MAGEA11: variants seen among roughly 807,000 people sequenced by gnomAD.
MAGEA11 encodes the protein MAGE family member A11.
A neutral mutation model predicts 8.4 loss-of-function variants in MAGEA11; 1 was observed. That is an observed-to-expected ratio of 0.12 (90% CI 0.04 to 0.57). MAGEA11 has a LOEUF of 0.57. Ranked by LOEUF, MAGEA11 falls within the 20% of genes least tolerant of loss-of-function variation. The pLI is 0.91. For synonymous variants in MAGEA11, 127 were observed against 119.3 expected (o/e 1.06, Z -0.42); for missense variants, 209 against 317.3 (o/e 0.66, Z 2.59).
intron 1 of MAGEA11, among the ~76,000 whole-genome samples, chrX:149,700,811 C>T (rs1486652765): frequency 5.8e-5 from 6 of 102,589 alleles, no homozygotes; most frequent in Admixed American, 1.1e-4. Context: ...TGAGAATATG[C>T]GGTGTTTGGT....
rs1162282913 is a variant in MAGEA11 at position 149,715,830 on chromosome X, AAAG to A, written c.348_350del (p.Arg116del). ...ACCAGAGTCATCATGCCTCTTGAGC[AAAG>A]AAGTCAGCACTGCAAGCCTGAGGAA... On this transcript the variant is annotated inframe_deletion, in exon 5 of 5. Coordinates refer to ENST00000355220, the MANE Select transcript of MAGEA11 (RefSeq NM_005366.5). 10 of 1,208,525 alleles carry A rather than the reference AAAG, an allele frequency of 8.3e-6. No individual in the cohort carries two copies. The highest frequency in any genetic ancestry group is 1.0e-5 in the Non-Finnish European group (9 of 894,703).
chrX:149,700,522 C>T (rs782030106), intron 1 of MAGEA11, among the ~76,000 whole-genome samples: 3 of 105,735 alleles, frequency 2.8e-5, no homozygotes, highest in African/African-American at 1.1e-4. Context: ...TGAAATTTAC[C>T]AACGTTATTA....
At position 149,716,516 on chromosome X, in the gene MAGEA11, T is replaced by C. The variant is rs2090427848; in HGVS notation, c.1030T>C (p.Tyr344His). 1 of 1,211,531 alleles carries C rather than the reference T, an allele frequency of 8.3e-7. No individual in the cohort carries two copies. The highest frequency in any genetic ancestry group is 1.1e-6 in the Non-Finnish European group (1 of 895,392). Reference sequence around the variant, plus strand: ...GGAAGTCCTGAGCATTATGGGGGTGTATGCTGGAAGGGAGCACTTCCTCTT... The same window carrying C: ...GGAAGTCCTGAGCATTATGGGGGTGCATGCTGGAAGGGAGCACTTCCTCTT... ...MWEVLSIMGV[Y>H]AGREHFLFGE... The change falls in exon 5 of 5, where the codon TAT (tyrosine) becomes CAT (histidine). Residue 344 changes from tyrosine to histidine, a missense_variant. Physicochemically the swap from Tyr to His is moderately conservative, Grantham distance 83 (BLOSUM62 2). Around this residue, in one of 2 missense-constraint regions of MAGEA11, gnomAD observed 78 missense variants for 178.8 expected, o/e 0.44. Coordinates refer to ENST00000355220, the MANE Select transcript of MAGEA11 (RefSeq NM_005366.5).
intron 1 of MAGEA11, among the ~76,000 whole-genome samples, chrX:149,700,264 C>T (rs781921369): frequency 1.8e-5 from 2 of 112,292 alleles, no homozygotes; most frequent in African/African-American, 3.2e-5. Flanking sequence ...TTGCACAGTA[C>T]ATCTGGTCTC....
At chrX:149,712,821 G>A (rs1169422069) in intron 1 of MAGEA11, among the ~76,000 whole-genome samples, 2 of 112,277 alleles carry the variant, frequency 1.8e-5, no homozygotes, top group Admixed American at 9.3e-5. Context: ...GGTTGGGGGG[G>A]GCAGGACCCA....
intron 1 of MAGEA11, chrX:149,689,118 G>T (rs1557359923): frequency 1.9e-6 from 1 of 540,069 alleles, no homozygotes; most frequent in Non-Finnish European, 2.9e-6. Context: ...GCCTCCCATG[G>T]TTTCTGCGTC....
chrX:149,711,616 G>A (rs1217002106), upstream of MAGEA11: 1 of 112,763 alleles, frequency 8.9e-6, no homozygotes, highest in African/African-American at 3.3e-5. Flanking sequence ...CAGTAGCCAA[G>A]AGGAGGACCC....
Position 149,716,022 on chromosome X carries a change from CCTT to C in MAGEA11, c.539_541del (p.Phe180del). 1 of 1,211,832 alleles carries C rather than the reference CCTT, an allele frequency of 8.3e-7. No homozygotes were observed. The highest frequency in any genetic ancestry group is 1.1e-6 in the Non-Finnish European group (1 of 895,543). ...CCTCCCCAGAGTCCTCAGGAAGAGT[CCTT>C]CTCTCCCACTGCCATGGATGCCATC... On this transcript the variant is annotated inframe_deletion, in exon 5 of 5. Coordinates refer to ENST00000355220, the MANE Select transcript of MAGEA11 (RefSeq NM_005366.5).
intron 1 of MAGEA11, among the ~76,000 whole-genome samples, chrX:149,712,672 T>A (rs2090407453): frequency 8.9e-6 from 1 of 112,233 alleles, no homozygotes. Flanking sequence ...CCGCCTCTGC[T>A]GCCAGCCCTG....
At chrX:149,688,989 G>A in intron 1 of MAGEA11, 1 of 1,027,413 alleles carries the variant, frequency 9.7e-7, no homozygotes, top group Non-Finnish European at 1.3e-6. Flanking sequence ...AGCAAGGTAA[G>A]GGAATGTGCA....
At chrX:149,691,790 A>C (rs1157197870) in intron 1 of MAGEA11, among the ~76,000 whole-genome samples, 1 of 112,553 alleles carries the variant, frequency 8.9e-6, no homozygotes, top group Non-Finnish European at 1.9e-5. Context: ...CAACTCAAAA[A>C]ACATCAAGGC....
intron 1 of MAGEA11, among the ~76,000 whole-genome samples, chrX:149,697,427 G>A (rs942346655): frequency 2.7e-5 from 3 of 111,129 alleles, no homozygotes; most frequent in Non-Finnish European, 5.7e-5. Context: ...CAGGCCAGCG[G>A]CAGCCCCATT....
Position 149,703,289 on chromosome X carries a change from A to G in MAGEA11, c.10-11192A>G, listed in dbSNP as rs189777849. ...GTAGGTAACTCTAGGCTTTTTCAAA[A>G]TACAAAAACATTTGTGCAAGGAACA... On this transcript the variant is annotated intron_variant, in intron 1 of 3. Transcript: ENST00000333104. 1.9e-4 allele frequency among the ~76,000 whole-genome samples: 21 copies of G among 112,667 alleles called. 1 individual carries two copies. Among genetic ancestry groups the G allele is most frequent in the South Asian group, 7.4e-4 (2 of 2,705 alleles).
intron 1 of MAGEA11, among the ~76,000 whole-genome samples, chrX:149,705,019 G>A (rs973964701): frequency 6.2e-5 from 7 of 112,531 alleles, no homozygotes; most frequent in African/African-American, 2.3e-4. Flanking sequence ...GCTATTTTGT[G>A]GATTTCCCTT....
At chrX:149,694,939 T>G in intron 1 of MAGEA11, among the ~76,000 whole-genome samples, 1 of 111,336 alleles carries the variant, frequency 9.0e-6, no homozygotes, top group Non-Finnish European at 1.9e-5. Flanking sequence ...CAGGCTGGTC[T>G]CGAACTCCTG....
At position 149,716,231 on chromosome X, in the gene MAGEA11, C is replaced by T. The variant is rs1204121016; in HGVS notation, c.745C>T (p.Leu249=). 2.5e-6 allele frequency: 3 copies of T among 1,210,311 alleles called. No homozygotes were observed. The highest frequency in any genetic ancestry group is 3.4e-6 in the Non-Finnish European group (3 of 895,187). Residue 249 remains leucine, a synonymous_variant, in exon 5 of 5, where the codon CTG becomes TTG. Transcript: ENST00000355220. ...GGGGCTGATCACAAAGGCAGAAATG[C>T]TGGGGAGTGTCATCAAAAATTATGA... ...VKGLITKAEM[L]GSVIKNYEDY... is the part of the protein sequence containing the mutation.
At chrX:149,711,270 T>A (rs192666009), upstream of MAGEA11, among the ~76,000 whole-genome samples, 1 of 112,685 alleles carries the variant, frequency 8.9e-6, no homozygotes, top group Admixed American at 9.3e-5. Flanking sequence ...TGACACTGAA[T>A]GAGAATTAAA....
intron 1 of MAGEA11, among the ~76,000 whole-genome samples, chrX:149,700,765 T>C (rs1415987799): frequency 1.0e-5 from 1 of 98,035 alleles, no homozygotes; most frequent in Non-Finnish European, 2.0e-5. Context: ...CCTTCCTGTG[T>C]CCATGTGTTC....
chrX:149,703,858 C>A (rs148866858), intron 1 of MAGEA11, among the ~76,000 whole-genome samples: 1,211 of 111,945 alleles, frequency 0.011, 25 homozygotes, highest in African/African-American at 0.038. Flanking sequence ...ATACAAGTGG[C>A]ATGTTATATG....
Sources: gnomAD v4.1 joint callset for allele counts (sites outside exome capture counted in the v4.1 genomes callset) on GRCh38, gnomAD v4.1.1 for gene constraint, gnomAD v4.1.1 regional missense constraint, MANE v1.5 for transcripts, NCBI Gene and HGNC (gene_info 2026-07-23, HGNC 2026-07-21) for gene names.